PDSS2: variants seen among roughly 807,000 people sequenced by gnomAD.
PDSS2 encodes all trans-polyprenyl-diphosphate synthase PDSS2.
In PDSS2, 31 loss-of-function variants were observed where a neutral mutation model predicts 44.5. The ratio of observed to expected loss-of-function variants is 0.70; its 90% confidence interval spans 0.52 to 0.94. The LOEUF is 0.94. PDSS2 is among the 40% of genes least tolerant of loss of function. The probability of loss-of-function intolerance (pLI) is 0.00; values close to 1 mark genes in which losing one functional copy is unlikely to be tolerated. For synonymous variants in PDSS2, 157 were observed against 180.3 expected, an observed-to-expected ratio of 0.87 and a Z score of 1.03; for missense variants, 452 against 482.2, an observed-to-expected ratio of 0.94 and a Z score of 0.59.
chr6:107,365,827 T>C (rs1235856582), intron 1 of PDSS2, among the ~76,000 whole-genome samples: 1 of 152,082 alleles, frequency 6.6e-6, no homozygotes, highest in African/African-American at 2.4e-5. Context: ...TTCATAATCA[T>C]CAGTATATCA....
chr6:107,248,271 T>C (rs1380391300), intron 3 of PDSS2, among the ~76,000 whole-genome samples: 1 of 152,136 alleles, frequency 6.6e-6, no homozygotes, highest in East Asian at 1.9e-4. Flanking sequence ...CAACTCAAAG[T>C]GCTGGCAGGA....
intron 7 of PDSS2, among the ~76,000 whole-genome samples, chr6:107,166,880 A>G (rs1434105130): frequency 6.6e-6 from 1 of 152,180 alleles, no homozygotes; most frequent in African/African-American, 2.4e-5. Flanking sequence ...TTGGTTTGCC[A>G]GTATTTTATT....
At chr6:107,303,338 G>A (rs994659491) in intron 2 of PDSS2, among the ~76,000 whole-genome samples, 6 of 152,168 alleles carry the variant, frequency 3.9e-5, no homozygotes, top group East Asian at 1.9e-4. Context: ...GGGGACAAAC[G>A]TGTAATCATA....
At chr6:107,442,919 G>A (rs572510913) in intron 1 of PDSS2, among the ~76,000 whole-genome samples, 12 of 152,110 alleles carry the variant, frequency 7.9e-5, no homozygotes, top group African/African-American at 1.2e-4. Context: ...AAATCATCTC[G>A]TTGAGACCTT....
chr6:107,182,468 G>A (rs1259191617), intron 7 of PDSS2, among the ~76,000 whole-genome samples: 1 of 152,098 alleles, frequency 6.6e-6, no homozygotes, highest in Non-Finnish European at 1.5e-5. Context: ...GGGACTATAG[G>A]TACCCGCCAC....
At position 107,153,380 on chromosome 6, in the gene PDSS2, A is replaced by G. The variant is rs1346565991; in HGVS notation, c.*1239T>C. On this transcript the variant is annotated 3_prime_UTR_variant, in exon 8 of 8. Coordinates refer to ENST00000369037, the MANE Select transcript of PDSS2 (RefSeq NM_020381.4). ...ATTGCAGGCCTGTGAGATTGCTTAT[A>G]TTCTTTCTGTAATTGGATGTCTGTG... 3.9e-5 allele frequency: 6 copies of G among 152,642 alleles called. No individual in the cohort carries two copies. Among genetic ancestry groups the G allele is most frequent in the African/African-American group, 1.4e-4 (6 of 41,456 alleles). The allele number at this position is 152,642 out of a possible 1,614,324, so 9.5% of individuals were successfully genotyped here.
chr6:107,221,342 G>GAAAA (rs59605783), intron 4 of PDSS2, among the ~76,000 whole-genome samples: 2 of 70,224 alleles, frequency 2.8e-5, no homozygotes, highest in Non-Finnish European at 2.5e-5. Context: ...ACTCCGTCTC[G>GAAAA]AAAAAAAAAA....
chr6:107,394,718 A>G (rs1329427096), intron 1 of PDSS2, among the ~76,000 whole-genome samples: 4 of 152,288 alleles, frequency 2.6e-5, no homozygotes, highest in African/African-American at 9.6e-5. Flanking sequence ...AACAATATAC[A>G]TTCATTATTC....
At chr6:107,370,618 T>C (rs1249817913) in intron 1 of PDSS2, among the ~76,000 whole-genome samples, 1 of 152,244 alleles carries the variant, frequency 6.6e-6, no homozygotes, top group Non-Finnish European at 1.5e-5. Context: ...TAAAGAATAA[T>C]GAAATTTTAA....
At chr6:107,225,259 G>A (rs535672420) in intron 4 of PDSS2, among the ~76,000 whole-genome samples, 54 of 139,046 alleles carry the variant, frequency 3.9e-4, no homozygotes, top group East Asian at 4.3e-4. Context: ...TGCAACCTCC[G>A]CCTCCCGGGT....
intron 2 of PDSS2, among the ~76,000 whole-genome samples, chr6:107,276,276 T>C (rs746806704): frequency 4.6e-5 from 7 of 152,170 alleles, no homozygotes; most frequent in South Asian, 2.1e-4. Context: ...CCCAGATATA[T>C]GCCCAGCTGG....
intron 1 of PDSS2, among the ~76,000 whole-genome samples, chr6:107,438,946 C>A (rs1698312496): frequency 6.6e-6 from 1 of 152,120 alleles, no homozygotes; most frequent in African/African-American, 2.4e-5. Context: ...ACAATGACTC[C>A]CTGGTTCAGA....
intron 2 of PDSS2, among the ~76,000 whole-genome samples, chr6:107,333,066 G>A (rs1777762182): frequency 6.6e-6 from 1 of 152,028 alleles, no homozygotes. Flanking sequence ...AAACATTTAT[G>A]GACAAGACCA....
intron 7 of PDSS2, among the ~76,000 whole-genome samples, chr6:107,159,541 C>T (rs375302556): frequency 2.0e-5 from 3 of 151,588 alleles, no homozygotes; most frequent in Non-Finnish European, 4.4e-5. Flanking sequence ...CTCAGCCTCC[C>T]GAGTAGCTGG....
intron 1 of PDSS2, among the ~76,000 whole-genome samples, chr6:107,457,833 T>C (rs925269593): frequency 6.6e-6 from 1 of 152,180 alleles, no homozygotes; most frequent in African/African-American, 2.4e-5. Context: ...TAAATAAAAG[T>C]ATTGTATCAA....
chr6:107,379,204 T>C (rs1387865161), intron 1 of PDSS2, among the ~76,000 whole-genome samples: 2 of 152,264 alleles, frequency 1.3e-5, no homozygotes. Context: ...TGGATATTTA[T>C]AGTATGCTTT....
At chr6:107,206,157 T>C (rs1474309466) in intron 6 of PDSS2, among the ~76,000 whole-genome samples, 1 of 152,150 alleles carries the variant, frequency 6.6e-6, no homozygotes, top group East Asian at 1.9e-4. Flanking sequence ...CTGCAACCTC[T>C]GCCTCCTGGG....
chr6:107,202,958 G>T (rs533954338), intron 6 of PDSS2, among the ~76,000 whole-genome samples: 1 of 151,146 alleles, frequency 6.6e-6, no homozygotes, highest in South Asian at 2.1e-4. Flanking sequence ...CAGAGGTCTT[G>T]TTATTTCTTT....
At chr6:107,455,615 G>A (rs567180569) in intron 1 of PDSS2, among the ~76,000 whole-genome samples, 52 of 151,990 alleles carry the variant, frequency 3.4e-4, no homozygotes, top group Non-Finnish European at 5.1e-4. Context: ...TTAGCTGGGC[G>A]TGGTGGCACA....
Sources: gnomAD v4.1 joint callset for allele counts (sites outside exome capture counted in the v4.1 genomes callset) on GRCh38, gnomAD v4.1.1 for gene constraint, MANE v1.5 for transcripts, NCBI Gene and HGNC (gene_info 2026-07-23, HGNC 2026-07-21) for gene names.